The following CLDN2 variants were observed in gnomAD, a reference collection of about 807,000 sequenced individuals.
The protein encoded by CLDN2 is claudin 2.
CLDN2 carries 1 observed loss-of-function variant against 8.2 expected under a neutral mutation model. The observed-to-expected ratio is 0.12, with a 90% CI of 0.04 to 0.58. CLDN2 has a LOEUF of 0.58. Ranked by LOEUF, CLDN2 falls within the 20% of genes least tolerant of loss-of-function variation. The probability of loss-of-function intolerance (pLI) is 0.90; values close to 1 mark genes in which losing one functional copy is unlikely to be tolerated. For missense variants in CLDN2, 108 were observed against 172.9 expected (o/e 0.62, Z 2.11); for synonymous variants, 70 against 70.2 (o/e 1.00, Z 0.01).
At chrX:106,912,670 C>G (rs1419428276) in intron 1 of CLDN2, among the ~76,000 whole-genome samples, 1 of 110,488 alleles carries the variant, frequency 9.1e-6, no homozygotes, top group Non-Finnish European at 1.9e-5. Context: ...CCTGCCTCAG[C>G]CTCCCAAAGT....
chrX:106,927,111 C>G (rs1265520366), intron 1 of CLDN2, among the ~76,000 whole-genome samples: 2 of 111,498 alleles, frequency 1.8e-5, no homozygotes, highest in Non-Finnish European at 3.8e-5. Context: ...ATTAGTGGAT[C>G]AGAGGGTCTT....
chrX:106,926,486 T>TA (rs1359299204), intron 1 of CLDN2, among the ~76,000 whole-genome samples: 1 of 110,894 alleles, frequency 9.0e-6, no homozygotes, highest in Non-Finnish European at 1.9e-5. Flanking sequence ...TTCTGAGGAA[T>TA]ACTCACATTT....
At chrX:106,908,767 C>T (rs1244518184) in intron 1 of CLDN2, among the ~76,000 whole-genome samples, 1 of 109,711 alleles carries the variant, frequency 9.1e-6, no homozygotes, top group African/African-American at 3.3e-5. Flanking sequence ...TTTTTTCATA[C>T]TCTATAACAA....
upstream of CLDN2, among the ~76,000 whole-genome samples, chrX:106,914,782 CAAAT>C (rs1401276741): frequency 1.8e-5 from 2 of 111,540 alleles, no homozygotes; most frequent in African/African-American, 3.3e-5. Context: ...GGAGGTTAGA[CAAAT>C]AAAAGCCCTT....
rs184610738 is a variant in CLDN2 at position 106,930,086 on chromosome X, G to A, written c.*1165G>A. On this transcript the variant is annotated 3_prime_UTR_variant, in exon 2 of 2. Transcript: ENST00000336803. ...CTCAAATGAGATCAGGCCCCCCCAG[G>A]GTCCACCCACAGAGCACTACAGAGC... The A allele has an allele frequency of 1.6e-5, 2 of 122,983 alleles. No individual in the cohort carries two copies. The highest frequency in any genetic ancestry group is 6.5e-5 in the African/African-American group (2 of 30,720). The allele number at this position is 122,983 out of a possible 1,213,427, so 10.1% of individuals were successfully genotyped here. A position where few individuals can be genotyped will look rare whatever the true frequency, so the allele number is the denominator to read the frequency against.
intron 1 of CLDN2, among the ~76,000 whole-genome samples, chrX:106,924,616 C>T (rs1933439589): frequency 9.1e-6 from 1 of 110,301 alleles, no homozygotes; most frequent in Admixed American, 9.7e-5. Context: ...CAATCATGTG[C>T]CCAATGCTGT....
chrX:106,902,215 T>C (rs1206938115), intron 1 of CLDN2: 1 of 1,174,372 alleles, frequency 8.5e-7, no homozygotes, highest in Admixed American at 2.4e-5. Flanking sequence ...GACAAGTTCC[T>C]CTGGGACAAA....
At chrX:106,903,416 G>T in intron 1 of CLDN2, 1 of 699,829 alleles carries the variant, frequency 1.4e-6, no homozygotes, top group Non-Finnish European at 2.0e-6. Context: ...ACAGGGGTGG[G>T]ATGACTTGGG....
chrX:106,924,694 C>A (rs1056127600), intron 1 of CLDN2, among the ~76,000 whole-genome samples: 1 of 107,868 alleles, frequency 9.3e-6, no homozygotes, highest in African/African-American at 3.4e-5. Context: ...GTTGAGGAGA[C>A]AAAATATTCC....
upstream of CLDN2, among the ~76,000 whole-genome samples, chrX:106,914,246 C>T (rs1046162805): frequency 3.6e-5 from 4 of 111,043 alleles, no homozygotes; most frequent in South Asian, 3.8e-4. Flanking sequence ...CCACCGCACC[C>T]GGCCACAAAC....
At chrX:106,906,957 T>C (rs1933187940) in intron 1 of CLDN2, among the ~76,000 whole-genome samples, 1 of 111,627 alleles carries the variant, frequency 9.0e-6, no homozygotes. Flanking sequence ...TCTATTTTCT[T>C]TCCCTCACTC....
chrX:106,928,357 A>G lies in CLDN2; in HGVS notation c.129A>G (p.Ala43=), dbSNP rs754968467. ...SSYVGASIVT[A]VGFSKGLWME... Reference sequence around the variant, plus strand: ...ATGTCGGTGCCAGCATTGTGACAGCAGTTGGCTTCTCCAAGGGCCTCTGGA... The same window carrying G: ...ATGTCGGTGCCAGCATTGTGACAGCGGTTGGCTTCTCCAAGGGCCTCTGGA... The change falls in exon 2 of 2, where the codon GCA becomes GCG. Residue 43 remains alanine (A), a synonymous_variant. Coordinates refer to ENST00000336803, the MANE Select transcript of CLDN2 (RefSeq NM_020384.4). 5.8e-6 allele frequency: 7 copies of G among 1,212,016 alleles called. No individual in the cohort carries two copies. The South Asian group carries it at 1.1e-4, about 18-fold the overall frequency.
intron 1 of CLDN2, among the ~76,000 whole-genome samples, chrX:106,924,181 G>A (rs961865259): frequency 1.8e-5 from 2 of 111,366 alleles, no homozygotes; most frequent in Non-Finnish European, 3.8e-5. Context: ...GCTGAGCAGT[G>A]AGTGGGAGGG....
intron 1 of CLDN2, 96 bp from the exon 2 acceptor site, chrX:106,927,955 T>A: frequency 3.6e-6 from 1 of 278,193 alleles, no homozygotes. Flanking sequence ...TCATGTGTTA[T>A]TTCTAAAGAT....
At position 106,928,432 on chromosome X, in the gene CLDN2, C is replaced by T. The variant is rs1602463347; in HGVS notation, c.204C>T (p.Ser68=). 1 of 1,211,957 alleles carries T rather than the reference C, an allele frequency of 8.3e-7. No individual in the cohort carries two copies. Among genetic ancestry groups the T allele is most frequent in the African/African-American group, 1.7e-5 (1 of 57,898 alleles). ...GCATCACCCAGTGTGACATCTATAGCACCCTTCTGGGCCTGCCCGCTGACA... is the reference window on the plus strand; with the variant it reads ...GCATCACCCAGTGTGACATCTATAGTACCCTTCTGGGCCTGCCCGCTGACA... The part of the protein sequence containing the change: ...STGITQCDIY[S]TLLGLPADIQ... The change falls in exon 2 of 2, where the codon AGC becomes AGT. Residue 68 remains serine (S), a synonymous_variant. Transcript: ENST00000336803.
At chrX:106,911,836 G>C (rs1254813133) in intron 1 of CLDN2, among the ~76,000 whole-genome samples, 4 of 112,249 alleles carry the variant, frequency 3.6e-5, no homozygotes, top group Non-Finnish European at 7.5e-5. Flanking sequence ...AAGACTAATA[G>C]ATTTAGTCTA....
At chrX:106,900,838 G>T (rs746078758) in intron 1 of CLDN2, 4 of 1,211,658 alleles carry the variant, frequency 3.3e-6, no homozygotes, top group Non-Finnish European at 3.4e-6. Context: ...GCCTGGACAG[G>T]AAAGTTCTGC....
chrX:106,901,851 T>G (rs188246617), intron 1 of CLDN2, among the ~76,000 whole-genome samples: 1 of 111,552 alleles, frequency 9.0e-6, no homozygotes, highest in East Asian at 2.9e-4. Flanking sequence ...GGGAGAGCAC[T>G]GGAGTAAGGT....
rs1050947241 is a variant in CLDN2, at chrX:106,928,237, T to C, written c.9T>C (p.Ser3=). The C allele has an allele frequency of 5.8e-6, 7 of 1,207,848 alleles. No homozygotes were observed. The East Asian group carries it at 8.9e-5, about 15-fold the overall frequency. ...CTACTGAGAGGTCTGCCATGGCCTC[T>C]CTTGGCCTCCAACTTGTGGGCTACA... MA[S]LGLQLVGYIL... The change falls in exon 2 of 2, where the codon TCT becomes TCC. Residue 3 remains serine (S), a synonymous_variant. Coordinates refer to ENST00000336803, the MANE Select transcript of CLDN2 (RefSeq NM_020384.4).
Sources: gnomAD v4.1 joint callset for allele counts (sites outside exome capture counted in the v4.1 genomes callset) on GRCh38, gnomAD v4.1.1 for gene constraint, MANE v1.5 for transcripts, NCBI Gene and HGNC (gene_info 2026-07-23, HGNC 2026-07-21) for gene names.